The following KIAA1549L variants were observed in gnomAD, a reference collection of about 807,000 sequenced individuals.
KIAA1549L encodes the protein UPF0606 protein KIAA1549L.
A neutral mutation model predicts 160.7 loss-of-function variants in KIAA1549L; 88 were observed. The observed-to-expected ratio is 0.55, with a 90% CI of 0.46 to 0.65. KIAA1549L has a LOEUF of 0.65. Ranked by LOEUF, KIAA1549L falls within the 30% of genes least tolerant of loss-of-function variation. The pLI, the probability that KIAA1549L is intolerant of heterozygous loss-of-function variation, is 0.00. For synonymous variants in KIAA1549L, 950 were observed against 976.7 expected, an observed-to-expected ratio of 0.97 and a Z score of 0.51; for missense variants, 2,258 against 2,437.5, an observed-to-expected ratio of 0.93 and a Z score of 1.55.
At chr11:33,453,918 T>C (rs551626563) in intron 1 of KIAA1549L, among the ~76,000 whole-genome samples, 7 of 152,212 alleles carry the variant, frequency 4.6e-5, no homozygotes, top group Non-Finnish European at 8.8e-5. Flanking sequence ...AGGCAAAGTA[T>C]TGGAGGGAAT....
At chr11:33,520,476 A>G (rs1853456331) in intron 1 of KIAA1549L, among the ~76,000 whole-genome samples, 1 of 152,036 alleles carries the variant, frequency 6.6e-6, no homozygotes, top group African/African-American at 2.4e-5. Context: ...TTGGAGCTCT[A>G]TGAGCTCATG....
intron 1 of KIAA1549L, among the ~76,000 whole-genome samples, chr11:33,491,544 A>G (rs1182125380): frequency 2.6e-5 from 4 of 152,264 alleles, no homozygotes; most frequent in East Asian, 1.9e-4. Context: ...CTATTGGGCT[A>G]TTTTCCTGTA....
intron 1 of KIAA1549L, among the ~76,000 whole-genome samples, chr11:33,510,659 A>G (rs572961209): frequency 6.6e-6 from 1 of 152,384 alleles, no homozygotes; most frequent in South Asian, 2.1e-4. Context: ...GAGGACGTGG[A>G]TATAGCGAGA....
intron 12 of KIAA1549L, among the ~76,000 whole-genome samples, chr11:33,596,878 A>T (rs2133299780): frequency 6.6e-6 from 1 of 152,280 alleles, no homozygotes; most frequent in South Asian, 2.1e-4. Context: ...CATTCACCAG[A>T]AGAGTCCAGA....
At chr11:33,399,026 C>T (rs1455311973) in intron 1 of KIAA1549L, among the ~76,000 whole-genome samples, 3 of 151,148 alleles carry the variant, frequency 2.0e-5, no homozygotes, top group Admixed American at 2.0e-4. Flanking sequence ...AATCTCTGCT[C>T]ACTGCAACCT....
chr11:33,650,979 C>A (rs989040815), intron 17 of KIAA1549L, among the ~76,000 whole-genome samples: 1 of 152,172 alleles, frequency 6.6e-6, no homozygotes, highest in Non-Finnish European at 1.5e-5. Context: ...CCACTTCTTC[C>A]CCCAGGGTGA....
In KIAA1549L at chr11:33,583,258, G is replaced by A. The variant is rs181801864; in HGVS notation, c.4403-80G>A. The A allele has an allele frequency of 5.2e-4, 705 of 1,351,230 alleles. 3 individuals are homozygous for A. The highest frequency in any genetic ancestry group is 3.8e-3 in the Middle Eastern group (15 of 3,998). 83.7% of individuals were successfully genotyped at this position (1,351,230 alleles called of 1,614,324 possible). A position where few individuals can be genotyped will look rare whatever the true frequency, so the allele number is the denominator to read the frequency against. On this transcript the variant is annotated intron_variant, in intron 10 of 20. Transcript: ENST00000658780. ...GTCCTTCTGTCCAGGACTTGGGACT[G>A]GGGTGGGGGGTTATGTCTGGGTTGC...
chr11:33,469,274 A>ATC (rs1852127346), intron 1 of KIAA1549L, among the ~76,000 whole-genome samples: 1 of 152,110 alleles, frequency 6.6e-6, no homozygotes, highest in African/African-American at 2.4e-5. Flanking sequence ...TATTTATGGA[A>ATC]TCATATAGTA....
chr11:33,379,700 T>C (rs1355700933), intron 1 of KIAA1549L, among the ~76,000 whole-genome samples: 1 of 152,184 alleles, frequency 6.6e-6, no homozygotes, highest in Non-Finnish European at 1.5e-5. Context: ...AGTTCTCTCA[T>C]CTGGAAAATG....
intron 12 of KIAA1549L, among the ~76,000 whole-genome samples, chr11:33,595,977 A>G (rs1430613063): frequency 1.3e-5 from 2 of 151,972 alleles, no homozygotes; most frequent in African/African-American, 2.4e-5. Flanking sequence ...TTGATATATG[A>G]CTGAGATTGT....
intron 20 of KIAA1549L, among the ~76,000 whole-genome samples, chr11:33,665,818 AAG>A (rs1217640361): frequency 2.6e-5 from 4 of 151,824 alleles, no homozygotes; most frequent in Non-Finnish European, 5.9e-5. Context: ...CTACAGGGGG[AAG>A]AGAGAGGCCA....
In KIAA1549L at chr11:33,667,857, C is replaced by T. The variant is rs1852525036; in HGVS notation, c.6160-16C>T. ...TCATGCCAGGCCCTGTCCTTCTCTC[C>T]CCACGCCCTCTGCAGGTGCCCCTCC... On this transcript the variant is annotated splice_polypyrimidine_tract_variant and intron_variant, in intron 20 of 20. Coordinates refer to ENST00000658780, the MANE Select transcript of KIAA1549L (RefSeq NM_012194.3). 3 of 1,600,840 alleles carry T rather than the reference C, an allele frequency of 1.9e-6. No individual in the cohort carries two copies. The highest frequency in any genetic ancestry group is 1.3e-5 in the African/African-American group (1 of 74,526).
rs1190447591 is a variant in KIAA1549L, at chr11:33,661,901, AAAAAAG to A, written c.6159+891_6159+896del. 2.8e-3 allele frequency among the ~76,000 whole-genome samples: 249 copies of A among 89,176 alleles called. 4 individuals carry two copies. The highest frequency in any genetic ancestry group is 4.0e-3 in the East Asian group (10 of 2,496). 58.5% of individuals were successfully genotyped at this position (89,176 alleles called of 152,430 possible). A position where few individuals can be genotyped will look rare whatever the true frequency, so the allele number is the denominator to read the frequency against. On this transcript the variant is annotated intron_variant, in intron 20 of 20. Transcript: ENST00000658780. Reference sequence around the variant, plus strand: ...TCTCAAAAAAAAAAAAAAAAAAAAAAAAAAAGAAACCCAAGACTGAATTATTACATT... The same window carrying A: ...TCTCAAAAAAAAAAAAAAAAAAAAAAAAACCCAAGACTGAATTATTACATT...
chr11:33,478,162 T>C (rs771233867), intron 1 of KIAA1549L, among the ~76,000 whole-genome samples: 3 of 152,250 alleles, frequency 2.0e-5, no homozygotes, highest in Non-Finnish European at 4.4e-5. Context: ...TCTTCTGTGG[T>C]ATGCAGATTC....
intron 4 of KIAA1549L, 139 bp from the exon 5 acceptor site, chr11:33,550,901 T>C: frequency 1.4e-6 from 1 of 721,430 alleles, no homozygotes; most frequent in Non-Finnish European, 2.4e-6. Context: ...CTTTATAGAA[T>C]TGTTAAGAAT....
chr11:33,431,610 A>T (rs182364539), intron 1 of KIAA1549L, among the ~76,000 whole-genome samples: 24 of 152,142 alleles, frequency 1.6e-4, no homozygotes, highest in Non-Finnish European at 2.4e-4. Flanking sequence ...TGATTGGTGT[A>T]TTTACAATCC....
At position 33,673,199 on chromosome 11, in the gene KIAA1549L, G is replaced by A. The variant is rs529383186; in HGVS notation, c.*5045G>A. ...GATTCTGCAGGTTTAAAAAAAATGG[G>A]AAGTTTGTGATATGGCAGAATCTGT... is the stretch of plus-strand genomic sequence containing the variant. On this transcript the variant is annotated 3_prime_UTR_variant, in exon 21 of 21. Transcript: ENST00000658780. The A allele has an allele frequency of 3.9e-5, 6 of 152,254 alleles. No homozygotes were observed. In the South Asian group the frequency reaches 1.0e-3, roughly 26 times the overall value. The allele number at this position is 152,254 out of a possible 1,614,324, so 9.4% of individuals were successfully genotyped here. A position where few individuals can be genotyped will look rare whatever the true frequency, so the allele number is the denominator to read the frequency against.
chr11:33,443,516 T>G (rs1185623990), intron 1 of KIAA1549L, among the ~76,000 whole-genome samples: 1 of 152,164 alleles, frequency 6.6e-6, no homozygotes, highest in Non-Finnish European at 1.5e-5. Flanking sequence ...ACACTACTAG[T>G]GTGAATCTGG....
chr11:33,439,731 T>G (rs1851457473), intron 1 of KIAA1549L, among the ~76,000 whole-genome samples: 1 of 152,090 alleles, frequency 6.6e-6, no homozygotes, highest in Non-Finnish European at 1.5e-5. Context: ...ATGCATCGGG[T>G]ACATTTTGAG....
Sources: allele counts gnomAD v4.1 joint callset (sites outside exome capture counted in the v4.1 genomes callset), GRCh38; gene constraint gnomAD v4.1.1; transcripts MANE v1.5; gene names NCBI Gene and HGNC (gene_info 2026-07-23, HGNC 2026-07-21).